CTTNBP2NL: variants seen among roughly 807,000 people sequenced by gnomAD.
CTTNBP2NL encodes the protein CTTNBP2 N-terminal like.
A neutral mutation model predicts 32.5 loss-of-function variants in CTTNBP2NL; 16 were observed. The ratio of observed to expected loss-of-function variants is 0.49; its 90% CI spans 0.33 to 0.75. CTTNBP2NL has a LOEUF of 0.75. CTTNBP2NL is among the 30% of genes least tolerant of loss of function. The pLI is 0.02. For missense variants in CTTNBP2NL, 645 were observed against 756.0 expected (o/e 0.85, Z 1.72); for synonymous variants, 298 against 289.4 (o/e 1.03, Z -0.30).
chr1:112,440,202 T>G (rs1018075270), intron 3 of CTTNBP2NL, among the ~76,000 whole-genome samples: 1 of 152,228 alleles, frequency 6.6e-6, no homozygotes, highest in African/African-American at 2.4e-5. Context: ...CAATAGTATT[T>G]TGGTTGTTTA....
intron 1 of CTTNBP2NL, among the ~76,000 whole-genome samples, chr1:112,406,058 C>T (rs563442721): frequency 6.6e-6 from 1 of 151,892 alleles, no homozygotes; most frequent in South Asian, 2.1e-4. Context: ...GTGGTGGGCA[C>T]CTGTAATCCC....
upstream of CTTNBP2NL, among the ~76,000 whole-genome samples, chr1:112,393,344 T>A (rs1017615613): frequency 1.3e-4 from 20 of 152,176 alleles, no homozygotes; most frequent in African/African-American, 4.8e-4. Flanking sequence ...TAAACATTTA[T>A]GGAAATTTAC....
At chr1:112,407,092 T>A (rs1648687909) in intron 1 of CTTNBP2NL, among the ~76,000 whole-genome samples, 2 of 152,220 alleles carry the variant, frequency 1.3e-5, no homozygotes, top group Admixed American at 6.5e-5. Context: ...AACCATTCTG[T>A]TTTATATAAT....
chr1:112,439,513 T>A (rs1570738063), intron 3 of CTTNBP2NL, among the ~76,000 whole-genome samples: 1 of 152,304 alleles, frequency 6.6e-6, no homozygotes, highest in East Asian at 1.9e-4. Flanking sequence ...TAGAATACCT[T>A]AACTAGAGGA....
At position 112,414,749 on chromosome 1, in the gene CTTNBP2NL, T is replaced by C. The variant is rs1030265550; in HGVS notation, c.-9-1408T>C. On this transcript the variant is annotated intron_variant, in intron 2 of 5. Coordinates refer to ENST00000271277, the MANE Select transcript of CTTNBP2NL (RefSeq NM_018704.3). Reference sequence around the variant, plus strand: ...CAGCAGTCTAACTTGTATCTTTATGTGGTTTGTGAGAATTAGTGTTGTAGA... The same window carrying C: ...CAGCAGTCTAACTTGTATCTTTATGCGGTTTGTGAGAATTAGTGTTGTAGA... 4 of 152,238 alleles carry C rather than the reference T, an allele frequency of 2.6e-5. No homozygotes were observed. The East Asian group carries it at 5.8e-4, about 22-fold the overall frequency. The allele number at this position is 152,238 out of a possible 1,614,324, so 9.4% of individuals were successfully genotyped here.
intron 3 of CTTNBP2NL, among the ~76,000 whole-genome samples, chr1:112,436,379 G>A (rs1243073644): frequency 6.6e-6 from 1 of 152,142 alleles, no homozygotes; most frequent in Admixed American, 6.6e-5. Flanking sequence ...GGAAAAGAGG[G>A]TCTTGGTTAT....
At chr1:112,394,875 A>G (rs1325355113), upstream of CTTNBP2NL, among the ~76,000 whole-genome samples, 1 of 152,162 alleles carries the variant, frequency 6.6e-6, no homozygotes, top group Admixed American at 6.5e-5. Context: ...CTATCTTCTC[A>G]TCTGTAAATT....
intron 3 of CTTNBP2NL, among the ~76,000 whole-genome samples, chr1:112,434,970 C>T (rs1017735438): frequency 8.6e-5 from 13 of 151,824 alleles, no homozygotes; most frequent in Admixed American, 7.9e-4. Flanking sequence ...TGGCAAAACC[C>T]CATCTCTACT....
Position 112,456,212 on chromosome 1 carries a change from A to G in CTTNBP2NL, c.720A>G (p.Ser240=). ...QTEAQVEKQL[S]EFDIEREQLR... ...AGGCCCAGGTAGAGAAGCAGTTATC[A>G]GAGTTTGACATCGAAAGGGAACAAC... The change falls in exon 6 of 6, where the codon TCA becomes TCG. Residue 240 remains serine, a synonymous_variant. Coordinates refer to ENST00000271277, the MANE Select transcript of CTTNBP2NL (RefSeq NM_018704.3). The G allele has an allele frequency of 6.2e-7, 1 of 1,614,210 alleles. No homozygotes were observed. Among genetic ancestry groups the G allele is most frequent in the Non-Finnish European group, 8.5e-7 (1 of 1,180,052 alleles).
At chr1:112,409,984 A>G (rs1420674846) in intron 1 of CTTNBP2NL, among the ~76,000 whole-genome samples, 1 of 152,224 alleles carries the variant, frequency 6.6e-6, no homozygotes, top group Admixed American at 6.5e-5. Flanking sequence ...GTTCATCTAG[A>G]AAAGACTCAT....
At chr1:112,409,637 G>A (rs1327417893) in intron 1 of CTTNBP2NL, among the ~76,000 whole-genome samples, 1 of 152,130 alleles carries the variant, frequency 6.6e-6, no homozygotes, top group African/African-American at 2.4e-5. Flanking sequence ...CTGTCCTACT[G>A]CTTACATGGC....
intron 3 of CTTNBP2NL, among the ~76,000 whole-genome samples, chr1:112,430,104 G>A (rs771942108): frequency 3.9e-5 from 6 of 152,146 alleles, no homozygotes; most frequent in Non-Finnish European, 7.4e-5. Flanking sequence ...ATTCTTAAGC[G>A]ATTAAATGTC....
At chr1:112,426,665 G>A (rs1649411873) in intron 3 of CTTNBP2NL, among the ~76,000 whole-genome samples, 1 of 146,524 alleles carries the variant, frequency 6.8e-6, no homozygotes, top group African/African-American at 2.5e-5. Flanking sequence ...GGAGTGCAGT[G>A]GCATGATCTC....
intron 1 of CTTNBP2NL, among the ~76,000 whole-genome samples, chr1:112,397,606 G>T (rs1648367930): frequency 6.6e-6 from 1 of 152,140 alleles, no homozygotes; most frequent in East Asian, 1.9e-4. Flanking sequence ...TGCTCCTAAA[G>T]GTTTTGTCAA....
At chr1:112,440,666 T>G (rs1191003962) in intron 3 of CTTNBP2NL, among the ~76,000 whole-genome samples, 1 of 152,240 alleles carries the variant, frequency 6.6e-6, no homozygotes, top group Non-Finnish European at 1.5e-5. Context: ...GTCCTGGGGA[T>G]GTATTTCTGT....
rs912216839 is a variant in CTTNBP2NL at position 112,398,687 on chromosome 1, T to G, written c.-134+2415T>G. The stretch of plus-strand genomic sequence containing the variant: ...GAGGCAGGGTGTGGTGGCTCATCCC[T>G]GTAATCCTTGCTACTTGGGAGGCTG... On this transcript the variant is annotated intron_variant, in intron 1 of 5. Transcript: ENST00000271277. Among the ~76,000 whole-genome samples the G allele has an allele frequency of 2.6e-5, 4 of 152,100 alleles. 1 individual carries two copies. Among genetic ancestry groups the G allele is most frequent in the Admixed American group, 2.6e-4 (4 of 15,262 alleles).
intron 3 of CTTNBP2NL, among the ~76,000 whole-genome samples, chr1:112,427,994 G>A (rs1403670375): frequency 1.3e-5 from 2 of 151,860 alleles, no homozygotes; most frequent in East Asian, 3.9e-4. Context: ...AAAATAAGAT[G>A]CATATGAAGA....
chr1:112,444,389 A>G (rs116490803), intron 3 of CTTNBP2NL, among the ~76,000 whole-genome samples: 1,666 of 152,346 alleles, frequency 0.011, 42 homozygotes, highest in African/African-American at 0.038. Context: ...TTTGGAGAGC[A>G]AGTATGGCCG....
At chr1:112,412,529 C>T (rs912114852) in intron 2 of CTTNBP2NL, among the ~76,000 whole-genome samples, 9 of 149,290 alleles carry the variant, frequency 6.0e-5, no homozygotes, top group African/African-American at 2.2e-4. Context: ...TTGGTTCTTA[C>T]ATTACACAGC....
Sources: allele counts gnomAD v4.1 joint callset (sites outside exome capture counted in the v4.1 genomes callset), GRCh38; gene constraint gnomAD v4.1.1; transcripts MANE v1.5; gene names NCBI Gene and HGNC (gene_info 2026-07-23, HGNC 2026-07-21).